The following PARD3B variants were observed in gnomAD, a reference collection of about 807,000 sequenced individuals.
PARD3B encodes partitioning defective 3 homolog B.
Under a neutral mutation model 130.2 loss-of-function variants are expected in PARD3B, and 103 were observed. The observed-to-expected ratio is 0.79, with a 90% CI of 0.67 to 0.93. PARD3B has a LOEUF of 0.93. Among genes scored for constraint, PARD3B ranks in the 40% least tolerant of loss-of-function variants. The pLI is 0.00. For missense variants in PARD3B, 1,609 were observed against 1,499.2 expected, an observed-to-expected ratio of 1.07 and a Z score of -1.21; for synonymous variants, 583 against 553.2, an observed-to-expected ratio of 1.05 and a Z score of -0.76.
chr2:204,553,021 A>G lies in PARD3B; in HGVS notation c.120+6902A>G, dbSNP rs186309475. Among the ~76,000 whole-genome samples, 110 of 152,332 alleles carry G rather than the reference A, an allele frequency of 7.2e-4. 1 individual carries two copies. The highest frequency in any genetic ancestry group is 4.2e-3 in the East Asian group (22 of 5,190). ...CAATCTATACATCTGACAAAGGACTAATATCCAGAATCTACAATGAACTCA... is the reference window on the plus strand; with the variant it reads ...CAATCTATACATCTGACAAAGGACTGATATCCAGAATCTACAATGAACTCA... On this transcript the variant is annotated intron_variant, in intron 1 of 22. Transcript: ENST00000406610.
intron 18 of PARD3B, among the ~76,000 whole-genome samples, chr2:205,365,929 T>C (rs2044591649): frequency 6.6e-6 from 1 of 152,194 alleles, no homozygotes; most frequent in Admixed American, 6.5e-5. Context: ...TCCAATTATT[T>C]TGGAGAAGGG....
intron 2 of PARD3B, among the ~76,000 whole-genome samples, chr2:204,726,540 C>G (rs759122033): frequency 9.9e-5 from 15 of 152,154 alleles, no homozygotes; most frequent in Non-Finnish European, 1.8e-4. Context: ...CCAGTGAAGC[C>G]CCAACCGCAT....
intron 1 of PARD3B, among the ~76,000 whole-genome samples, chr2:204,604,838 G>T (rs1228633411): frequency 6.6e-6 from 1 of 152,104 alleles, no homozygotes; most frequent in African/African-American, 2.4e-5. Flanking sequence ...GGGCTTGTGG[G>T]TCAGGAATTT....
rs748873430 is a variant in PARD3B at position 205,219,078 on chromosome 2, T to TA, written c.2140+25773dup. 4.1e-3 allele frequency among the ~76,000 whole-genome samples: 585 copies of TA among 141,700 alleles called. 1 individual carries two copies. Among genetic ancestry groups the TA allele is most frequent in the African/African-American group, 0.011 (407 of 38,612 alleles). 93.0% of individuals were successfully genotyped at this position (141,700 alleles called of 152,430 possible). A position where few individuals can be genotyped will look rare whatever the true frequency, so the allele number is the denominator to read the frequency against. ...CTGGGGGACAAAGGGAGACTCTGTT[T>TA]AAAAAAAAAAAAAAATGCTGCCTGT... On this transcript the variant is annotated intron_variant, in intron 15 of 22. Coordinates refer to ENST00000406610, the MANE Select transcript of PARD3B (RefSeq NM_001302769.2).
chr2:205,203,987 C>G (rs1306673365), intron 15 of PARD3B, among the ~76,000 whole-genome samples: 2 of 152,302 alleles, frequency 1.3e-5, no homozygotes, highest in Admixed American at 6.5e-5. Context: ...ATGGCTGGGT[C>G]AAATGGTATT....
intron 1 of PARD3B, among the ~76,000 whole-genome samples, chr2:204,625,250 G>C (rs950060132): frequency 6.6e-6 from 1 of 152,078 alleles, no homozygotes; most frequent in Non-Finnish European, 1.5e-5. Flanking sequence ...TAAAAATATT[G>C]AATGGTGCCA....
At chr2:205,453,610 G>C (rs1013177884) in intron 20 of PARD3B, among the ~76,000 whole-genome samples, 9 of 152,082 alleles carry the variant, frequency 5.9e-5, no homozygotes, top group Admixed American at 3.3e-4. Flanking sequence ...GCAGAGCTAA[G>C]GTTTCAACCC....
At chr2:204,557,697 T>G (rs2031019260) in intron 1 of PARD3B, among the ~76,000 whole-genome samples, 1 of 152,222 alleles carries the variant, frequency 6.6e-6, no homozygotes, top group African/African-American at 2.4e-5. Context: ...TAAGTGCAAC[T>G]TTTCTCTTGA....
chr2:204,992,514 T>C (rs928171627), intron 3 of PARD3B, among the ~76,000 whole-genome samples: 1 of 148,290 alleles, frequency 6.7e-6, no homozygotes, highest in Non-Finnish European at 1.5e-5. Flanking sequence ...AGTAGTGTGA[T>C]GCCTCCAGCT....
intron 2 of PARD3B, among the ~76,000 whole-genome samples, chr2:204,765,464 A>C (rs1276651538): frequency 6.6e-6 from 1 of 152,198 alleles, no homozygotes; most frequent in African/African-American, 2.4e-5. Flanking sequence ...GCCTCTTGTC[A>C]GCTGTGTGAC....
intron 2 of PARD3B, among the ~76,000 whole-genome samples, chr2:204,845,324 G>A (rs1476357632): frequency 6.6e-6 from 1 of 152,046 alleles, no homozygotes; most frequent in Admixed American, 6.6e-5. Context: ...TTTCTGCTTT[G>A]AACAACTTTT....
chr2:205,245,950 T>C, intron 16 of PARD3B, 128 bp downstream of exon 16: 1 of 712,932 alleles, frequency 1.4e-6, no homozygotes, highest in East Asian at 2.6e-5. Context: ...ATGAGATGTC[T>C]CTGACTTCCA....
chr2:205,486,960 T>C (rs1403116893), intron 20 of PARD3B, among the ~76,000 whole-genome samples: 1 of 152,210 alleles, frequency 6.6e-6, no homozygotes, highest in Non-Finnish European at 1.5e-5. Context: ...TATCAGAACA[T>C]GTTCATAAAT....
At chr2:204,751,983 C>T (rs953046690) in intron 2 of PARD3B, among the ~76,000 whole-genome samples, 1 of 152,072 alleles carries the variant, frequency 6.6e-6, no homozygotes, top group African/African-American at 2.4e-5. Context: ...TGTATTCATC[C>T]TGCTGATCCC....
intron 16 of PARD3B, among the ~76,000 whole-genome samples, chr2:205,264,515 A>G (rs2040431106): frequency 6.6e-6 from 1 of 151,150 alleles, no homozygotes; most frequent in Non-Finnish European, 1.5e-5. Context: ...ATATTTACAG[A>G]GGATCTTAAA....
At chr2:205,534,404 A>G (rs6724376) in intron 21 of PARD3B, among the ~76,000 whole-genome samples, 76,320 of 151,830 alleles carry the variant, frequency 0.5, 20,317 homozygotes, top group Middle Eastern at 0.74. Context: ...GTGAGTGAGA[A>G]GGAGAATGGA....
At chr2:205,264,629 G>T (rs1253805373) in intron 16 of PARD3B, among the ~76,000 whole-genome samples, 1 of 150,986 alleles carries the variant, frequency 6.6e-6, no homozygotes. Context: ...ATAATCTTAT[G>T]ATTTCTTTTA....
intron 15 of PARD3B, among the ~76,000 whole-genome samples, chr2:205,217,347 A>C (rs373678749): frequency 1.3e-5 from 2 of 152,216 alleles, no homozygotes; most frequent in Non-Finnish European, 2.9e-5. Flanking sequence ...GTCCTGAGAG[A>C]CTATTATTTT....
chr2:205,579,469 C>A (rs190903605), intron 22 of PARD3B, among the ~76,000 whole-genome samples: 1 of 152,140 alleles, frequency 6.6e-6, no homozygotes, highest in African/African-American at 2.4e-5. Context: ...AAGGCAGCTG[C>A]GGTTATGAAC....
Sources: gnomAD v4.1 joint callset for allele counts (sites outside exome capture counted in the v4.1 genomes callset) on GRCh38, gnomAD v4.1.1 for gene constraint, MANE v1.5 for transcripts, NCBI Gene and HGNC (gene_info 2026-07-23, HGNC 2026-07-21) for gene names.